Variants in SLC2A9 observed in about 807,000 individuals in gnomAD.
SLC2A9 encodes solute carrier family 2 member 9, also known as solute carrier family 2, facilitated glucose transporter member 9.
SLC2A9 carries 39 observed loss-of-function variants against 50.6 expected under a neutral mutation model. The observed-to-expected ratio is 0.77, with a 90% confidence interval of 0.60 to 1.01. The LOEUF is 1.01. Ranked by LOEUF, SLC2A9 falls within the 50% of genes least tolerant of loss-of-function variation. The pLI, the probability that SLC2A9 is intolerant of heterozygous loss-of-function variation, is 0.00. For synonymous variants in SLC2A9, 324 were observed against 276.9 expected, an observed-to-expected ratio of 1.17 and a Z score of -1.69; for missense variants, 686 against 677.6, an observed-to-expected ratio of 1.01 and a Z score of -0.14.
intron 3 of SLC2A9, among the ~76,000 whole-genome samples, chr4:9,784,338 C>T (rs1190250741): frequency 6.6e-6 from 1 of 152,100 alleles, no homozygotes; most frequent in East Asian, 1.9e-4. Flanking sequence ...TCTCCTTATT[C>T]CTAGACAGAT....
Position 9,908,292 on chromosome 4 carries a change from C to A in SLC2A9, c.1056G>T (p.Lys352Asn). 2 of 1,614,118 alleles carry A rather than the reference C, an allele frequency of 1.2e-6. No homozygotes were observed. The highest frequency in any genetic ancestry group is 2.2e-5 in the East Asian group (1 of 44,878). The change falls in exon 8 of 12, where the codon AAG becomes AAT. Residue 352 changes from lysine (K) to asparagine (N), a missense_variant. Lys to Asn is a moderately conservative substitution (Grantham distance 94). Coordinates refer to ENST00000264784, the MANE Select transcript of SLC2A9 (RefSeq NM_020041.3). ...CTGTACTCAAGGTGACGTATGGGAT[C>A]TTTGCCGGAGGGATCCCAGCTTTTC... is the stretch of plus-strand genomic sequence containing the variant. The part of the protein sequence containing the change: ...IFGKAGIPPA[K>N]IPYVTLSTGG...
Position 9,953,567 on chromosome 4 carries a change from G to T in SLC2A9, c.682-11522C>A, listed in dbSNP as rs183953684. On this transcript the variant is annotated intron_variant, in intron 5 of 11. Coordinates refer to ENST00000264784, the MANE Select transcript of SLC2A9 (RefSeq NM_020041.3). Reference sequence around the variant, plus strand: ...AACCTGCATTACTGGTTGTGCTGGGGATTCAACAGATTACATGCAAAGTGC... The same window carrying T: ...AACCTGCATTACTGGTTGTGCTGGGTATTCAACAGATTACATGCAAAGTGC... Among the ~76,000 whole-genome samples the T allele has an allele frequency of 5.3e-5, 8 of 152,326 alleles. No homozygotes were observed. In the East Asian group the frequency reaches 1.2e-3, roughly 22 times the overall value.
At chr4:9,792,360 T>A (rs78391798) in intron 3 of SLC2A9, among the ~76,000 whole-genome samples, 74 of 149,542 alleles carry the variant, frequency 4.9e-4, no homozygotes, top group African/African-American at 1.6e-3. Context: ...TTTTTTTTTT[T>A]AATTTTTATT....
intron 2 of SLC2A9, among the ~76,000 whole-genome samples, chr4:10,002,431 G>C (rs975336597): frequency 1.3e-5 from 2 of 152,212 alleles, no homozygotes; most frequent in Non-Finnish European, 2.9e-5. Flanking sequence ...TATGCACTGG[G>C]AGGCTTTTGT....
chr4:9,812,198 C>T (rs1019929289), intron 3 of SLC2A9, among the ~76,000 whole-genome samples: 1 of 152,190 alleles, frequency 6.6e-6, no homozygotes, highest in Non-Finnish European at 1.5e-5. Context: ...TATCTCTCAA[C>T]AATCCCTGAT....
chr4:9,885,307 A>T (rs10939600), intron 10 of SLC2A9, among the ~76,000 whole-genome samples: 68,968 of 152,068 alleles, frequency 0.45, 18,201 homozygotes, highest in African/African-American at 0.73. Context: ...GAAATTGATA[A>T]GAATGGAATT....
chr4:9,882,931 GGT>G (rs1205639300), intron 10 of SLC2A9, among the ~76,000 whole-genome samples: 2 of 152,170 alleles, frequency 1.3e-5, no homozygotes, highest in Non-Finnish European at 2.9e-5. Flanking sequence ...GGCTATACCT[GGT>G]CTACTTAGAT....
At chr4:10,023,337 C>T (rs923523832), upstream of SLC2A9, among the ~76,000 whole-genome samples, 16 of 152,206 alleles carry the variant, frequency 1.1e-4, no homozygotes, top group African/African-American at 3.9e-4. Context: ...GAGGGCCCCT[C>T]TGCCCCTATG....
intron 10 of SLC2A9, among the ~76,000 whole-genome samples, chr4:9,845,555 G>A (rs971925286): frequency 6.8e-6 from 1 of 146,872 alleles, no homozygotes; most frequent in African/African-American, 2.5e-5. Flanking sequence ...TCAGCCTCCC[G>A]AGTAGCTGGG....
Position 9,931,985 on chromosome 4 carries a change from T to C in SLC2A9, c.814+9928A>G, listed in dbSNP as rs146985885. Among the ~76,000 whole-genome samples the C allele has an allele frequency of 6.2e-3, 594 of 95,384 alleles. 3 individuals carry two copies. The highest frequency in any genetic ancestry group is 0.011 in the Middle Eastern group (2 of 184). 62.6% of individuals were successfully genotyped at this position (95,384 alleles called of 152,430 possible). ...CTCTATATATATATATATATATATA[T>C]ATATATATATATATGCCTTGCCTGA... On this transcript the variant is annotated intron_variant, in intron 6 of 11. Transcript: ENST00000264784.
chr4:9,911,733 G>C (rs1371438928), intron 7 of SLC2A9, among the ~76,000 whole-genome samples: 1 of 152,168 alleles, frequency 6.6e-6, no homozygotes, highest in African/African-American at 2.4e-5. Flanking sequence ...CGTCTTTCAG[G>C]GTTCTTGTAA....
intron 3 of SLC2A9, chr4:9,782,437 G>T: frequency 6.2e-7 from 1 of 1,614,022 alleles, no homozygotes; most frequent in Non-Finnish European, 8.5e-7. Flanking sequence ...TCATCAGCGT[G>T]GACCGCTACT....
At chr4:9,781,579 G>A (rs1054946571) in intron 3 of SLC2A9, 4 of 157,118 alleles carry the variant, frequency 2.5e-5, no homozygotes, top group African/African-American at 9.6e-5. Context: ...GAGCGCGGAG[G>A]CTCGGGGGGC....
chr4:9,899,792 C>A (rs1262404998), intron 8 of SLC2A9, among the ~76,000 whole-genome samples: 1 of 152,090 alleles, frequency 6.6e-6, no homozygotes, highest in African/African-American at 2.4e-5. Context: ...AGCCAAAGTG[C>A]AAAACAGACA....
chr4:9,965,464 G>A (rs186345821), intron 5 of SLC2A9, among the ~76,000 whole-genome samples: 6 of 152,222 alleles, frequency 3.9e-5, no homozygotes, highest in African/African-American at 1.4e-4. Flanking sequence ...ATTATAAAAT[G>A]GTAAGTGCTA....
intron 6 of SLC2A9, among the ~76,000 whole-genome samples, chr4:9,926,585 C>T (rs149988042): frequency 6.6e-6 from 1 of 151,904 alleles, no homozygotes; most frequent in Non-Finnish European, 1.5e-5. Flanking sequence ...GGGGTACTTG[C>T]TACATTCTCC....
chr4:9,936,931 T>G (rs1211991112), intron 6 of SLC2A9, among the ~76,000 whole-genome samples: 3 of 152,222 alleles, frequency 2.0e-5, no homozygotes, highest in Non-Finnish European at 4.4e-5. Context: ...GCAACAGAAC[T>G]GGTCCCCAAG....
chr4:9,856,676 A>ATAT lies in SLC2A9; in HGVS notation c.1292-21669_1292-21668insATA, dbSNP rs536923112. ...ACAGATGCATGTGTATGTTCATTGC[A>ATAT]GCAACTATTCACAATAGCAAAGACA... is the stretch of plus-strand genomic sequence containing the variant. On this transcript the variant is annotated intron_variant, in intron 10 of 11. Transcript: ENST00000264784. Among the ~76,000 whole-genome samples the ATAT allele has an allele frequency of 5.2e-3, 788 of 152,364 alleles. 2 individuals are homozygous for ATAT. Among genetic ancestry groups the ATAT allele is most frequent in the Non-Finnish European group, 8.4e-3 (573 of 68,022 alleles).
chr4:9,832,161 G>T (rs1726268893), intron 11 of SLC2A9, among the ~76,000 whole-genome samples: 3 of 152,212 alleles, frequency 2.0e-5, no homozygotes. Flanking sequence ...TTTTCAGAAG[G>T]GAGGTAGGTC....
Sources: gnomAD v4.1 joint callset for allele counts (sites outside exome capture counted in the v4.1 genomes callset) on GRCh38, gnomAD v4.1.1 for gene constraint, MANE v1.5 for transcripts, NCBI Gene and HGNC (gene_info 2026-07-23, HGNC 2026-07-21) for gene names.